RIMS1: variants seen among roughly 807,000 people sequenced by gnomAD.
RIMS1 encodes the protein regulating synaptic membrane exocytosis 1, also known as regulating synaptic membrane exocytosis protein 1.
A neutral mutation model predicts 214.1 loss-of-function variants in RIMS1; 83 were observed. That is an observed-to-expected ratio of 0.39 (90% confidence interval 0.32 to 0.47). The LOEUF is 0.47. RIMS1 is among the 20% of genes least tolerant of loss of function. The pLI is 0.99. For missense variants in RIMS1, 2,050 were observed against 2,161.8 expected, an observed-to-expected ratio of 0.95 and a Z score of 1.03; for synonymous variants, 793 against 786.8, an observed-to-expected ratio of 1.01 and a Z score of -0.13.
intron 2 of RIMS1, among the ~76,000 whole-genome samples, chr6:72,079,321 CA>C (rs1832705763): frequency 1.3e-5 from 2 of 152,228 alleles, no homozygotes; most frequent in Admixed American, 6.5e-5. Context: ...ATGTATCAAG[CA>C]GGGTCTACCT....
intron 9 of RIMS1, among the ~76,000 whole-genome samples, chr6:72,240,136 C>A (rs576965976): frequency 1.3e-5 from 2 of 152,066 alleles, no homozygotes; most frequent in South Asian, 4.2e-4. Flanking sequence ...ATGTCATTTT[C>A]ATCTTTGTAC....
chr6:72,337,137 C>A (rs2096868370), intron 29 of RIMS1, among the ~76,000 whole-genome samples: 2 of 151,652 alleles, frequency 1.3e-5, no homozygotes, highest in East Asian at 1.9e-4. Context: ...GAAAATGTCC[C>A]CAAGCCAGAA....
At chr6:72,292,593 CAAAG>C (rs1001273965) in intron 26 of RIMS1, among the ~76,000 whole-genome samples, 4 of 151,444 alleles carry the variant, frequency 2.6e-5, no homozygotes, top group African/African-American at 7.3e-5. Flanking sequence ...TTCTGAGCAA[CAAAG>C]AAAGAGAAAG....
chr6:71,959,640 T>C (rs968748380), intron 1 of RIMS1, among the ~76,000 whole-genome samples: 2 of 152,034 alleles, frequency 1.3e-5, no homozygotes, highest in South Asian at 4.1e-4. Context: ...AACCATTATC[T>C]GATAACTATC....
intron 2 of RIMS1, among the ~76,000 whole-genome samples, chr6:72,076,597 C>T (rs1397150414): frequency 6.6e-6 from 1 of 152,048 alleles, no homozygotes; most frequent in Non-Finnish European, 1.5e-5. Context: ...AATATTCAGT[C>T]GATAACACTG....
chr6:72,029,301 T>A (rs555627563), intron 2 of RIMS1, among the ~76,000 whole-genome samples: 30 of 152,202 alleles, frequency 2.0e-4, no homozygotes, highest in Non-Finnish European at 3.2e-4. Context: ...CATATAATTT[T>A]CATGTTAAGT....
At chr6:72,291,473 A>G (rs1006349336) in intron 25 of RIMS1, among the ~76,000 whole-genome samples, 1 of 152,246 alleles carries the variant, frequency 6.6e-6, no homozygotes, top group Non-Finnish European at 1.5e-5. Flanking sequence ...GTGGTAATTT[A>G]TAAAAGTCTG....
Position 72,258,986 on chromosome 6 carries a change from G to A in RIMS1, c.2928G>A (p.Arg976=). The part of the protein sequence containing the change: ...RSRLPNVPLQ[R]SLDEIHPTRR... ...CATAAGAATTTTGTAATCATTTTAG[G>A]AGTTTAGATGAAATTCATCCAACAA... The change falls in exon 18 of 34, where the codon AGG becomes AGA. Residue 976 remains arginine (R), a splice_region_variant and synonymous_variant. Coordinates refer to ENST00000521978, the MANE Select transcript of RIMS1 (RefSeq NM_014989.7). 1 of 1,612,444 alleles carries A rather than the reference G, an allele frequency of 6.2e-7. No individual in the cohort carries two copies. The highest frequency in any genetic ancestry group is 8.5e-7 in the Non-Finnish European group (1 of 1,178,838).
At chr6:72,215,760 T>G (rs1018185511) in intron 6 of RIMS1, among the ~76,000 whole-genome samples, 1 of 152,188 alleles carries the variant, frequency 6.6e-6, no homozygotes, top group South Asian at 2.1e-4. Context: ...AGATTCTGAG[T>G]GAGACCGTAA....
At chr6:72,339,326 A>G (rs2096960449) in intron 29 of RIMS1, among the ~76,000 whole-genome samples, 1 of 151,996 alleles carries the variant, frequency 6.6e-6, no homozygotes, top group Admixed American at 6.6e-5. Flanking sequence ...GCACATGTGC[A>G]CAACGTGCAG....
chr6:72,047,435 A>C (rs1823383860), intron 2 of RIMS1, among the ~76,000 whole-genome samples: 1 of 152,184 alleles, frequency 6.6e-6, no homozygotes, highest in Non-Finnish European at 1.5e-5. Flanking sequence ...GACATTGCTG[A>C]GCTACCTTAT....
intron 4 of RIMS1, among the ~76,000 whole-genome samples, chr6:72,145,763 C>T (rs1291980173): frequency 1.3e-5 from 2 of 152,158 alleles, no homozygotes; most frequent in Non-Finnish European, 2.9e-5. Flanking sequence ...GGAAGCACAC[C>T]CTTCCAGTCA....
chr6:72,078,866 TA>T (rs1194422948), intron 2 of RIMS1, among the ~76,000 whole-genome samples: 1 of 152,092 alleles, frequency 6.6e-6, no homozygotes, highest in South Asian at 2.1e-4. Flanking sequence ...TTTATATATT[TA>T]TATGTGTATA....
At chr6:72,189,518 G>A (rs1237441066) in intron 6 of RIMS1, among the ~76,000 whole-genome samples, 1 of 152,240 alleles carries the variant, frequency 6.6e-6, no homozygotes, top group Non-Finnish European at 1.5e-5. Flanking sequence ...TCTGGAGTAA[G>A]TGTCTGTTCC....
At chr6:71,887,255 CT>C in intron 1 of RIMS1, 68 bp downstream of exon 1, 2 of 1,539,694 alleles carry the variant, frequency 1.3e-6, no homozygotes, top group Admixed American at 3.9e-5. Flanking sequence ...ACTCACTCCC[CT>C]AGTCCTCGCG....
At chr6:72,272,266 G>GA (rs1377535121) in intron 22 of RIMS1, among the ~76,000 whole-genome samples, 1 of 151,972 alleles carries the variant, frequency 6.6e-6, no homozygotes, top group Admixed American at 6.6e-5. Flanking sequence ...TTGTAATAGG[G>GA]AAAAAAACCA....
At chr6:72,102,316 G>C (rs968563025) in intron 4 of RIMS1, among the ~76,000 whole-genome samples, 3 of 151,892 alleles carry the variant, frequency 2.0e-5, no homozygotes, top group Non-Finnish European at 2.9e-5. Context: ...CACAAAGAAA[G>C]TGTCAGGTTT....
At chr6:72,305,063 T>A (rs962746162) in intron 26 of RIMS1, among the ~76,000 whole-genome samples, 5 of 152,000 alleles carry the variant, frequency 3.3e-5, no homozygotes, top group African/African-American at 4.8e-5. Context: ...TTAGAACCAT[T>A]TTTAGATTCA....
rs1407584281 is a variant in RIMS1 at position 72,245,853 on chromosome 6, T to A, written c.2120T>A (p.Leu707Gln). The change falls in exon 11 of 34, where the codon CTG becomes CAG. Residue 707 changes from leucine (L) to glutamine (Q), a missense_variant. By Grantham distance (113) the Leu-to-Gln change is moderately radical. This residue lies in a region of RIMS1 where 111 missense variants were observed against 166.2 expected (regional missense o/e 0.67). Transcript: ENST00000521978. Reference protein sequence around the residue: ...PRIPESSHPPLESSSSSFESQ... With the variant: ...PRIPESSHPPQESSSSSFESQ... ...ATTCCTGAGAGCTCCCACCCTCCAC[T>A]GGAGTCCAGTGAGTATAAGGTTTCT... is the stretch of plus-strand genomic sequence containing the variant. 4 of 1,596,956 alleles carry A rather than the reference T, an allele frequency of 2.5e-6. No individual in the cohort carries two copies. The highest frequency in any genetic ancestry group is 3.4e-6 in the Non-Finnish European group (4 of 1,164,514).
Sources: allele counts gnomAD v4.1 joint callset (sites outside exome capture counted in the v4.1 genomes callset), GRCh38; gene constraint gnomAD v4.1.1; regional missense constraint gnomAD v4.1.1; transcripts MANE v1.5; gene names NCBI Gene and HGNC (gene_info 2026-07-23, HGNC 2026-07-21).